Variants in CDH18 observed in about 807,000 individuals in gnomAD.
CDH18 encodes cadherin-18.
CDH18 carries 31 observed loss-of-function variants against 67.9 expected under a neutral mutation model. The ratio of observed to expected loss-of-function variants is 0.46; its 90% CI spans 0.34 to 0.62. The LOEUF is 0.62. CDH18 is among the 20% of genes least tolerant of loss of function. The pLI, the probability that CDH18 is intolerant of heterozygous loss-of-function variation, is 0.01. For synonymous variants in CDH18, 362 were observed against 347.2 expected, an observed-to-expected ratio of 1.04 and a Z score of -0.48; for missense variants, 890 against 975.5, an observed-to-expected ratio of 0.91 and a Z score of 1.17.
chr5:19,704,938 T>G (rs1468667047), intron 5 of CDH18, among the ~76,000 whole-genome samples: 1 of 152,188 alleles, frequency 6.6e-6, no homozygotes, highest in Non-Finnish European at 1.5e-5. Flanking sequence ...GACATAGATT[T>G]AAAAGACTGT....
At chr5:19,630,717 A>C (rs1183102029) in intron 5 of CDH18, among the ~76,000 whole-genome samples, 1 of 152,188 alleles carries the variant, frequency 6.6e-6, no homozygotes, top group East Asian at 1.9e-4. Context: ...CAAAGGCTGC[A>C]TTAAAGAAAG....
intron 12 of CDH18, among the ~76,000 whole-genome samples, chr5:19,475,580 TTAAG>T (rs564854645): frequency 1.4e-4 from 21 of 151,784 alleles, no homozygotes; most frequent in Non-Finnish European, 2.1e-4. Context: ...ACATAAGGTA[TTAAG>T]TGTGTCCCAT....
At chr5:19,973,494 A>G (rs929230408) in intron 2 of CDH18, among the ~76,000 whole-genome samples, 1 of 152,172 alleles carries the variant, frequency 6.6e-6, no homozygotes, top group African/African-American at 2.4e-5. Context: ...AGGTAAGTGA[A>G]TGCTCAATAT....
chr5:20,350,245 A>C (rs1298860030), intron 1 of CDH18, among the ~76,000 whole-genome samples: 1 of 152,168 alleles, frequency 6.6e-6, no homozygotes, highest in Non-Finnish European at 1.5e-5. Context: ...CAGGCTTTTC[A>C]ATTTGATATA....
intron 2 of CDH18, among the ~76,000 whole-genome samples, chr5:20,172,250 A>ATGTATATATATATATACG (rs1736893847): frequency 2.6e-5 from 2 of 78,270 alleles, no homozygotes; most frequent in South Asian, 4.7e-4. Context: ...GTATATATAT[A>ATGTATATATATATATACG]TATATATCTC....
chr5:19,892,892 GATGCAAC>G (rs1788929824), intron 2 of CDH18, among the ~76,000 whole-genome samples: 1 of 152,156 alleles, frequency 6.6e-6, no homozygotes, highest in Admixed American at 6.6e-5. Context: ...CCACAAAAGT[GATGCAAC>G]ATATTAAACA....
At chr5:20,300,619 G>A (rs1327110497) in intron 1 of CDH18, among the ~76,000 whole-genome samples, 1 of 152,070 alleles carries the variant, frequency 6.6e-6, no homozygotes, top group Non-Finnish European at 1.5e-5. Context: ...CAATCATCAA[G>A]AGAATATGAA....
At chr5:19,622,314 G>A (rs1750837013) in intron 5 of CDH18, among the ~76,000 whole-genome samples, 1 of 152,158 alleles carries the variant, frequency 6.6e-6, no homozygotes, top group Admixed American at 6.5e-5. Flanking sequence ...AAAAAAGAGT[G>A]AGAACTGGAA....
chr5:19,889,110 T>C (rs1470179146), intron 2 of CDH18, among the ~76,000 whole-genome samples: 1 of 150,564 alleles, frequency 6.6e-6, no homozygotes, highest in Non-Finnish European at 1.5e-5. Flanking sequence ...GGTTGTTGTA[T>C]TGTATTTTTT....
At chr5:19,570,105 G>C (rs1333765897) in intron 8 of CDH18, among the ~76,000 whole-genome samples, 1 of 151,914 alleles carries the variant, frequency 6.6e-6, no homozygotes, top group East Asian at 1.9e-4. Context: ...ATCTTTTATG[G>C]TGCTACATTT....
chr5:19,808,847 AAAAAAAAAGG>A (rs1778332176), intron 3 of CDH18, among the ~76,000 whole-genome samples: 1 of 151,012 alleles, frequency 6.6e-6, no homozygotes, highest in African/African-American at 2.4e-5. Flanking sequence ...AAAAAAAAAA[AAAAAAAAAGG>A]AAAAGAAATA....
At chr5:19,961,133 C>T (rs887574895) in intron 2 of CDH18, among the ~76,000 whole-genome samples, 23 of 135,456 alleles carry the variant, frequency 1.7e-4, no homozygotes, top group Non-Finnish European at 3.1e-4. Context: ...GATGGAGTCT[C>T]ATTCTGTCGC....
chr5:19,857,832 A>G (rs896015932), intron 2 of CDH18, among the ~76,000 whole-genome samples: 1 of 152,176 alleles, frequency 6.6e-6, no homozygotes, highest in Non-Finnish European at 1.5e-5. Context: ...AAAATTCTAC[A>G]TGAAAAATGT....
chr5:19,795,086 T>C (rs939370881), intron 3 of CDH18, among the ~76,000 whole-genome samples: 1 of 152,088 alleles, frequency 6.6e-6, no homozygotes, highest in Non-Finnish European at 1.5e-5. Flanking sequence ...AGCTTACCCA[T>C]TTCAAACAGA....
At chr5:20,061,001 T>C (rs556297285) in intron 2 of CDH18, among the ~76,000 whole-genome samples, 1 of 152,060 alleles carries the variant, frequency 6.6e-6, no homozygotes, top group Non-Finnish European at 1.5e-5. Flanking sequence ...TGTCAGAGAT[T>C]CAATACTTAG....
chr5:20,554,723 A>G (rs1423300860), intron 1 of CDH18, among the ~76,000 whole-genome samples: 1 of 151,188 alleles, frequency 6.6e-6, no homozygotes, highest in Non-Finnish European at 1.5e-5. Flanking sequence ...CTTGTAACCA[A>G]TAGAAACCTG....
At chr5:20,267,534 T>C (rs989244000) in intron 1 of CDH18, among the ~76,000 whole-genome samples, 5 of 152,180 alleles carry the variant, frequency 3.3e-5, no homozygotes, top group Non-Finnish European at 7.3e-5. Context: ...TTCATGAGTA[T>C]AAAATATTTT....
chr5:20,487,135 G>T (rs1204395872), intron 1 of CDH18, among the ~76,000 whole-genome samples: 1 of 152,136 alleles, frequency 6.6e-6, no homozygotes, highest in Non-Finnish European at 1.5e-5. Flanking sequence ...CACTGTGGTT[G>T]CAGGTTCTTG....
At position 19,994,724 on chromosome 5, in the gene CDH18, TATATATATATATATAGAGAGAGAGAGAG is replaced by T. The variant is rs1348527343; in HGVS notation, c.-517-2738_-517-2711del. On this transcript the variant is annotated intron_variant, in intron 2 of 14. Coordinates refer to the CDH18 transcript ENST00000507958. ...CAGTATATATATATATATATATATA[TATATATATATATATAGAGAGAGAGAGAG>T]AGAGAGAGAGAGAGAGAGAGAGAGA... Among the ~76,000 whole-genome samples the T allele has an allele frequency of 2.5e-3, 59 of 23,952 alleles. 2 individuals carry two copies. Among genetic ancestry groups the T allele is most frequent in the African/African-American group, 7.7e-3 (51 of 6,582 alleles). The allele number at this position is 23,952 out of a possible 152,430, so 15.7% of individuals were successfully genotyped here. A position where few individuals can be genotyped will look rare whatever the true frequency, so the allele number is the denominator to read the frequency against.
Sources: gnomAD v4.1 joint callset for allele counts (sites outside exome capture counted in the v4.1 genomes callset) on GRCh38, gnomAD v4.1.1 for gene constraint, MANE v1.5 for transcripts, NCBI Gene and HGNC (gene_info 2026-07-23, HGNC 2026-07-21) for gene names.